TOX3: variants seen among roughly 807,000 people sequenced by gnomAD.
The protein encoded by TOX3 is CAG trinucleotide repeat-containing gene F9 protein.
A neutral mutation model predicts 64.3 loss-of-function variants in TOX3; 22 were observed. The observed-to-expected ratio is 0.34, with a 90% CI of 0.24 to 0.49. The LOEUF is 0.49. TOX3 is among the 20% of genes least tolerant of loss of function. The pLI is 0.99. For synonymous variants in TOX3, 291 were observed against 273.6 expected (o/e 1.06, Z -0.63); for missense variants, 661 against 714.4 (o/e 0.93, Z 0.85).
intron 1 of TOX3, among the ~76,000 whole-genome samples, chr16:52,484,850 A>G (rs1961466301): frequency 6.6e-6 from 1 of 152,132 alleles, no homozygotes; most frequent in African/African-American, 2.4e-5. Flanking sequence ...TCAAAGAACT[A>G]AAAATAGAGC....
chr16:52,494,916 CT>C (rs1961799393), intron 1 of TOX3, among the ~76,000 whole-genome samples: 2 of 152,152 alleles, frequency 1.3e-5, no homozygotes, highest in Admixed American at 6.5e-5. Context: ...TAGTAATTGG[CT>C]TGTTTACACC....
chr16:52,502,984 G>A (rs1358904376), intron 1 of TOX3, among the ~76,000 whole-genome samples: 2 of 152,118 alleles, frequency 1.3e-5, no homozygotes, highest in African/African-American at 4.8e-5. Context: ...ACGAAAAGCA[G>A]GAAAGCAACC....
intron 1 of TOX3, chr16:52,519,481 C>T (rs1962544157): frequency 6.4e-7 from 1 of 1,551,344 alleles, no homozygotes. Flanking sequence ...GGCACTTCAT[C>T]CTCCACTACA....
rs1020042599 is a variant in TOX3, at chr16:52,450,969, G to C, written c.409-423C>G. On this transcript the variant is annotated intron_variant, in intron 3 of 6. Coordinates refer to ENST00000219746, the MANE Select transcript of TOX3 (RefSeq NM_001080430.4). ...CTGAAGCAGAGACCGCACCCATTTA[G>C]GCTCATCCATTAGTTTACCATCCTT... Among the ~76,000 whole-genome samples the C allele has an allele frequency of 2.0e-5, 3 of 152,202 alleles. No homozygotes were observed. The South Asian group carries it at 6.2e-4, about 32-fold the overall frequency.
At chr16:52,545,046 A>C (rs1462549141) in intron 1 of TOX3, among the ~76,000 whole-genome samples, 1 of 152,240 alleles carries the variant, frequency 6.6e-6, no homozygotes, top group Non-Finnish European at 1.5e-5. Flanking sequence ...ACAATTAGGT[A>C]GATTCTCAGA....
At chr16:52,531,112 A>G (rs1156864990) in intron 1 of TOX3, among the ~76,000 whole-genome samples, 1 of 152,246 alleles carries the variant, frequency 6.6e-6, no homozygotes, top group Non-Finnish European at 1.5e-5. Flanking sequence ...AGCCAAAGCC[A>G]GGATTGGGGA....
rs756261947 is a variant in TOX3 at position 52,439,719 on chromosome 16, C to G, written c.1237G>C (p.Ala413Pro). ...IAANMPSNIGAPLISSMGTTM... is the reference protein window; with the variant it reads ...IAANMPSNIGPPLISSMGTTM... The stretch of plus-strand genomic sequence containing the variant: ...GTTCCCATGGAGCTTATCAGTGGAG[C>G]CCCAATGTTCGAGGGCATGTTGGCT... Residue 413 changes from alanine to proline, a missense_variant, in exon 7 of 7, where the codon GCT becomes CCT. Ala to Pro is a conservative substitution (Grantham distance 27). Around this residue, in one of 3 missense-constraint regions of TOX3, gnomAD observed 299 missense variants for 292.1 expected, o/e 1.02. Coordinates refer to ENST00000219746, the MANE Select transcript of TOX3 (RefSeq NM_001080430.4). 4.3e-6 allele frequency: 7 copies of G among 1,613,862 alleles called. No individual in the cohort carries two copies. The highest frequency in any genetic ancestry group is 5.9e-6 in the Non-Finnish European group (7 of 1,179,904).
chr16:52,458,339 G>A (rs777053648), intron 3 of TOX3, among the ~76,000 whole-genome samples: 2 of 152,092 alleles, frequency 1.3e-5, no homozygotes, highest in Non-Finnish European at 2.9e-5. Flanking sequence ...GCAAGCAAAG[G>A]AAACCATTGC....
intron 1 of TOX3, among the ~76,000 whole-genome samples, chr16:52,519,131 C>G (rs1435796513): frequency 1.3e-5 from 2 of 152,208 alleles, no homozygotes; most frequent in Non-Finnish European, 2.9e-5. Flanking sequence ...CCAACCTGTT[C>G]TAGCGCTAAA....
intron 1 of TOX3, among the ~76,000 whole-genome samples, chr16:52,475,272 T>G (rs188686544): frequency 6.6e-6 from 1 of 152,248 alleles, no homozygotes; most frequent in Admixed American, 6.5e-5. Flanking sequence ...TGGTAAATAG[T>G]AGGTGTTCAA....
intron 2 of TOX3, among the ~76,000 whole-genome samples, chr16:52,466,887 T>C (rs1407802509): frequency 6.6e-6 from 1 of 152,150 alleles, no homozygotes; most frequent in Non-Finnish European, 1.5e-5. Flanking sequence ...ATATCTGAGA[T>C]TATAAAAAAA....
intron 1 of TOX3, among the ~76,000 whole-genome samples, chr16:52,503,097 C>T (rs1437450225): frequency 6.6e-6 from 1 of 152,062 alleles, no homozygotes; most frequent in Non-Finnish European, 1.5e-5. Flanking sequence ...TTTGCTGAAA[C>T]TTGGTTTAAA....
intron 4 of TOX3, among the ~76,000 whole-genome samples, chr16:52,449,619 G>A (rs1031828300): frequency 6.6e-6 from 1 of 152,178 alleles, no homozygotes; most frequent in African/African-American, 2.4e-5. Context: ...TGTATCACAA[G>A]AACCAAACAA....
At chr16:52,441,517 G>T (rs1415909311) in intron 6 of TOX3, among the ~76,000 whole-genome samples, 5 of 152,132 alleles carry the variant, frequency 3.3e-5, no homozygotes, top group African/African-American at 9.7e-5. Context: ...TCTACAAAAA[G>T]AAATTCTTCC....
intron 1 of TOX3, among the ~76,000 whole-genome samples, chr16:52,485,246 G>GCATATATA (rs1555484131): frequency 2.3e-5 from 3 of 127,890 alleles, no homozygotes; most frequent in African/African-American, 6.7e-5. Flanking sequence ...ATGTGTGTGT[G>GCATATATA]TATATATATA....
chr16:52,513,989 A>T (rs916414410), intron 1 of TOX3, among the ~76,000 whole-genome samples: 2 of 152,230 alleles, frequency 1.3e-5, no homozygotes, highest in African/African-American at 4.8e-5. Context: ...GGCTTGGAAA[A>T]GTTAAACTCT....
intron 3 of TOX3, among the ~76,000 whole-genome samples, chr16:52,455,723 G>A (rs530551378): frequency 6.6e-6 from 1 of 152,172 alleles, no homozygotes; most frequent in Non-Finnish European, 1.5e-5. Context: ...TGAAGTGAAG[G>A]GAAAAGCATG....
chr16:52,444,410 A>T, intron 5 of TOX3, 54 bp from the exon 6 acceptor site: 6 of 1,404,408 alleles, frequency 4.3e-6, no homozygotes, highest in Non-Finnish European at 4.9e-6. Flanking sequence ...CTCAGCTATA[A>T]AATAGCTGCT....
At chr16:52,519,449 C>T (rs937378835) in intron 1 of TOX3, 38 of 1,551,526 alleles carry the variant, frequency 2.4e-5, no homozygotes, top group South Asian at 4.8e-5. Context: ...CTCCTCAATG[C>T]GCCTGGCTCC....
Sources: allele counts gnomAD v4.1 joint callset (sites outside exome capture counted in the v4.1 genomes callset), GRCh38; gene constraint gnomAD v4.1.1; regional missense constraint gnomAD v4.1.1; transcripts MANE v1.5; gene names NCBI Gene and HGNC (gene_info 2026-07-23, HGNC 2026-07-21).